The following SPC25 variants were observed in gnomAD, a reference collection of about 807,000 sequenced individuals.
SPC25 encodes SPC25 component of NDC80 kinetochore complex.
In SPC25, 22 loss-of-function variants were observed where a neutral mutation model predicts 29.6. The observed-to-expected ratio is 0.74, with a 90% confidence interval of 0.53 to 1.06. The LOEUF (loss-of-function observed/expected upper bound fraction) is 1.06. Ranked by LOEUF, SPC25 falls within the 50% of genes least tolerant of loss-of-function variation. SPC25 has a pLI of 0.00. For missense variants in SPC25, 230 were observed against 255.8 expected (o/e 0.90, Z 0.69); for synonymous variants, 91 against 90.4 (o/e 1.01, Z -0.04).
intron 4 of SPC25, chr2:168,864,822 G>C: frequency 6.2e-7 from 1 of 1,613,392 alleles, no homozygotes; most frequent in Non-Finnish European, 8.5e-7. Flanking sequence ...TTGTCTAACT[G>C]TATTTTCACA....
intron 4 of SPC25, chr2:168,865,042 T>C: frequency 6.6e-7 from 1 of 1,511,512 alleles, no homozygotes; most frequent in South Asian, 1.2e-5. Context: ...AAGAATAAAG[T>C]GCTCTTACCT....
downstream of SPC25, among the ~76,000 whole-genome samples, chr2:168,869,508 C>G (rs146036764): frequency 0.02 from 3,068 of 152,270 alleles, 82 homozygotes; most frequent in African/African-American, 0.068. Context: ...CTTCAGCAAA[C>G]TCTCAGGATG....
At chr2:168,866,955 T>A (rs1279436307), downstream of SPC25, among the ~76,000 whole-genome samples, 2 of 152,072 alleles carry the variant, frequency 1.3e-5, no homozygotes, top group Non-Finnish European at 2.9e-5. Flanking sequence ...ACGGCAATCA[T>A]TAAAAAGTCA....
chr2:168,889,577 A>G (rs959927913), intron 1 of SPC25, 44 bp from the exon 2 acceptor site: 86 of 1,562,284 alleles, frequency 5.5e-5, no homozygotes, highest in Admixed American at 1.3e-4. Flanking sequence ...TACTGAAATC[A>G]AATCACCCAC....
At chr2:168,875,236 A>G (rs1343041012) in intron 5 of SPC25, among the ~76,000 whole-genome samples, 1 of 152,194 alleles carries the variant, frequency 6.6e-6, no homozygotes, top group African/African-American at 2.4e-5. Context: ...AGCAAACACT[A>G]TGTAAACAGA....
chr2:168,887,952 A>G (rs1205066115), intron 3 of SPC25, among the ~76,000 whole-genome samples: 2 of 152,212 alleles, frequency 1.3e-5, no homozygotes, highest in Non-Finnish European at 1.5e-5. Context: ...CAGAAGACAT[A>G]CAAGAGAATG....
rs5836210 is a variant in SPC25, at chr2:168,871,559, GAA to G, written c.551-6_551-5del. On this transcript the variant is annotated splice_polypyrimidine_tract_variant and splice_region_variant and intron_variant, in intron 6 of 6. Transcript: ENST00000282074. ...AGATGAGGGGCACTATCTGACACTA[GAA>G]AAAAAAAAAAAAGAAATCAAAGACA... 40,887 of 1,148,200 alleles carry G rather than the reference GAA, an allele frequency of 0.036. 4 individuals carry two copies. The highest frequency in any genetic ancestry group is 0.066 in the South Asian group (3,698 of 55,934). 71.1% of individuals were successfully genotyped at this position (1,148,200 alleles called of 1,614,324 possible). A position where few individuals can be genotyped will look rare whatever the true frequency, so the allele number is the denominator to read the frequency against.
intron 3 of SPC25, among the ~76,000 whole-genome samples, chr2:168,886,049 T>A (rs917946573): frequency 1.6e-5 from 2 of 123,240 alleles, no homozygotes. Flanking sequence ...ACGAATACAA[T>A]CTTTTTTTTT....
At chr2:168,889,059 A>G (rs796866143) in intron 3 of SPC25, among the ~76,000 whole-genome samples, 167 bp downstream of exon 3, 55 of 47,892 alleles carry the variant, frequency 1.1e-3, no homozygotes, top group African/African-American at 3.5e-3. Flanking sequence ...ATATATATAC[A>G]TATATATATA....
At chr2:168,879,660 G>A (rs1195714422) in intron 3 of SPC25, among the ~76,000 whole-genome samples, 4 of 152,234 alleles carry the variant, frequency 2.6e-5, no homozygotes, top group South Asian at 4.1e-4. Context: ...TGTGAATCAC[G>A]AATGTTCTAT....
chr2:168,889,390 C>A lies in SPC25; in HGVS notation c.130G>T (p.Ala44Ser). Residue 44 changes from alanine (A) to serine (S), a missense_variant, in exon 2 of 7, where the codon GCA becomes TCA. By Grantham distance (99) the Ala-to-Ser change is moderately conservative. Transcript: ENST00000282074. ...GTTACAAGTTAACACTAGGTACCTGCAAATGCTTTGATGGAATCCTTGTAG... is the reference window on the plus strand; with the variant it reads ...GTTACAAGTTAACACTAGGTACCTGAAAATGCTTTGATGGAATCCTTGTAG... The part of the protein sequence containing the change: ...DTYKDSIKAF[A>S]EKLSVKLKEE... The A allele has an allele frequency of 6.2e-7, 1 of 1,614,046 alleles. No individual in the cohort carries two copies. Among genetic ancestry groups the A allele is most frequent in the Non-Finnish European group, 8.5e-7 (1 of 1,180,016 alleles).
At chr2:168,867,556 G>A (rs1484211298), downstream of SPC25, among the ~76,000 whole-genome samples, 76 of 151,998 alleles carry the variant, frequency 5.0e-4, no homozygotes, top group African/African-American at 1.8e-3. Flanking sequence ...CCAAGCAAAT[G>A]GAAAACAAAA....
chr2:168,872,929 G>A (rs1690020151), intron 6 of SPC25, among the ~76,000 whole-genome samples: 1 of 152,296 alleles, frequency 6.6e-6, no homozygotes, highest in African/African-American at 2.4e-5. Flanking sequence ...TAGCATAGGT[G>A]TAATGAGCTG....
chr2:168,886,798 C>T (rs553161761), intron 3 of SPC25, among the ~76,000 whole-genome samples: 261 of 152,202 alleles, frequency 1.7e-3, no homozygotes, highest in Non-Finnish European at 2.9e-3. Context: ...GGATTACAGG[C>T]GTGAACCACC....
At chr2:168,869,109 A>G (rs1035130364), downstream of SPC25, among the ~76,000 whole-genome samples, 1 of 152,362 alleles carries the variant, frequency 6.6e-6, no homozygotes, top group Non-Finnish European at 1.5e-5. Flanking sequence ...CAAAAACCAC[A>G]TAATTATCTC....
chr2:168,882,631 A>G (rs776504039), intron 3 of SPC25, among the ~76,000 whole-genome samples: 6 of 152,194 alleles, frequency 3.9e-5, no homozygotes, highest in Non-Finnish European at 8.8e-5. Flanking sequence ...ATAAACAGAC[A>G]GACAGACTGC....
chr2:168,864,109 A>C (rs1042160952), intron 4 of SPC25, among the ~76,000 whole-genome samples: 3 of 152,048 alleles, frequency 2.0e-5, no homozygotes, highest in African/African-American at 7.2e-5. Flanking sequence ...CTGGGACTAC[A>C]GGCGTGTGCC....
At chr2:168,864,342 A>G (rs1328475438) in intron 4 of SPC25, among the ~76,000 whole-genome samples, 2 of 149,720 alleles carry the variant, frequency 1.3e-5, no homozygotes, top group South Asian at 2.1e-4. Context: ...GCTAGAGTGC[A>G]GTGGCATGAT....
intron 3 of SPC25, among the ~76,000 whole-genome samples, chr2:168,877,909 G>C (rs1207763460): frequency 6.6e-6 from 1 of 151,450 alleles, no homozygotes; most frequent in African/African-American, 2.4e-5. Context: ...ATGTTGCCCA[G>C]GCTAGTCTCA....
Sources: gnomAD v4.1 joint callset for allele counts (sites outside exome capture counted in the v4.1 genomes callset) on GRCh38, gnomAD v4.1.1 for gene constraint, MANE v1.5 for transcripts, NCBI Gene and HGNC (gene_info 2026-07-23, HGNC 2026-07-21) for gene names.